The following FRMD4A variants were observed in gnomAD, a reference collection of about 807,000 sequenced individuals.
The protein encoded by FRMD4A is FERM domain-containing protein 4A.
FRMD4A carries 29 observed loss-of-function variants against 129.1 expected under a neutral mutation model. The observed-to-expected ratio is 0.22, with a 90% CI of 0.17 to 0.31. The LOEUF (loss-of-function observed/expected upper bound fraction) is 0.31, where lower values mean the gene tolerates loss of function less well. FRMD4A is among the 10% of genes least tolerant of loss of function. The pLI is 1.00. For missense variants in FRMD4A, 1,272 were observed against 1,375.8 expected (o/e 0.92, Z 1.19); for synonymous variants, 634 against 571.6 (o/e 1.11, Z -1.56).
chr10:13,977,784 T>C (rs1032876840), intron 2 of FRMD4A, among the ~76,000 whole-genome samples: 7 of 152,224 alleles, frequency 4.6e-5, no homozygotes, highest in African/African-American at 1.7e-4. Context: ...TCACTTAGCG[T>C]AATGTTTTCA....
At chr10:13,961,695 C>G (rs2095446219) in intron 2 of FRMD4A, among the ~76,000 whole-genome samples, 1 of 152,146 alleles carries the variant, frequency 6.6e-6, no homozygotes, top group Admixed American at 6.5e-5. Context: ...AGGCAAGGTC[C>G]CTCTTAGGTT....
chr10:13,967,412 G>T (rs770602673), intron 2 of FRMD4A, among the ~76,000 whole-genome samples: 1 of 152,134 alleles, frequency 6.6e-6, no homozygotes, highest in Admixed American at 6.5e-5. Flanking sequence ...AAGGATAAAA[G>T]ACTACAAATT....
At chr10:14,186,957 C>CA (rs112675339) in intron 2 of FRMD4A, among the ~76,000 whole-genome samples, 45,129 of 139,098 alleles carry the variant, frequency 0.32, 6,903 homozygotes, top group East Asian at 0.4. Flanking sequence ...CTCGTCTCTG[C>CA]AAAAAAAAAA....
intron 13 of FRMD4A, among the ~76,000 whole-genome samples, chr10:13,703,622 G>A (rs897001059): frequency 2.0e-5 from 3 of 152,218 alleles, no homozygotes; most frequent in Non-Finnish European, 4.4e-5. Context: ...AAACTAACGT[G>A]AGGCCAATCA....
chr10:13,714,028 A>ATATATATAAAATATATAT (rs1554858901), intron 12 of FRMD4A, among the ~76,000 whole-genome samples: 2 of 46,800 alleles, frequency 4.3e-5, no homozygotes, highest in African/African-American at 1.7e-4. Context: ...TAAAATATAC[A>ATATATATAAAATATATAT]TATATATATA....
chr10:13,782,448 C>CTT (rs66527369), intron 6 of FRMD4A, among the ~76,000 whole-genome samples: 2 of 136,064 alleles, frequency 1.5e-5, no homozygotes, highest in African/African-American at 5.3e-5. Flanking sequence ...ATTATTATTC[C>CTT]TTTTTTTTTT....
At chr10:14,192,235 G>T (rs1378314662) in intron 2 of FRMD4A, among the ~76,000 whole-genome samples, 1 of 151,952 alleles carries the variant, frequency 6.6e-6, no homozygotes, top group Non-Finnish European at 1.5e-5. Context: ...TTTTTTCTTT[G>T]TAAGAATTGC....
At chr10:14,163,174 A>G (rs919664129) in intron 2 of FRMD4A, among the ~76,000 whole-genome samples, 1 of 152,242 alleles carries the variant, frequency 6.6e-6, no homozygotes, top group African/African-American at 2.4e-5. Flanking sequence ...GTTTCATGGT[A>G]TCCTACACTG....
At chr10:13,853,863 T>C (rs1040655043) in intron 3 of FRMD4A, among the ~76,000 whole-genome samples, 2 of 120,354 alleles carry the variant, frequency 1.7e-5, no homozygotes, top group South Asian at 5.4e-4. Context: ...ACCCAAAAAG[T>C]GGGGATGGGG....
chr10:13,943,675 A>AAAAAAAAAAAAAAAAAAAAAAAAAG (rs2095310696), intron 2 of FRMD4A, among the ~76,000 whole-genome samples: 4 of 123,690 alleles, frequency 3.2e-5, no homozygotes, highest in Non-Finnish European at 7.0e-5. Context: ...AAAAAAAAAA[A>AAAAAAAAAAAAAAAAAAAAAAAAAG]AAAAGAAAAA....
chr10:13,992,508 A>G (rs11258779), intron 2 of FRMD4A, among the ~76,000 whole-genome samples: 47,163 of 152,148 alleles, frequency 0.31, 8,122 homozygotes, highest in East Asian at 0.73. Flanking sequence ...AGTCCAGGCC[A>G]AGAATAGGTT....
At chr10:14,116,465 T>C (rs1196068581) in intron 2 of FRMD4A, among the ~76,000 whole-genome samples, 1 of 152,192 alleles carries the variant, frequency 6.6e-6, no homozygotes, top group Non-Finnish European at 1.5e-5. Flanking sequence ...TGAAAGCAGA[T>C]ACGGAGAGTT....
intron 2 of FRMD4A, among the ~76,000 whole-genome samples, chr10:14,143,172 T>C (rs991057509): frequency 6.6e-6 from 1 of 152,220 alleles, no homozygotes; most frequent in African/African-American, 2.4e-5. Flanking sequence ...CTCGAAGAGA[T>C]AGTTGTACGT....
At chr10:14,037,280 C>G (rs1271857883) in intron 2 of FRMD4A, among the ~76,000 whole-genome samples, 2 of 152,212 alleles carry the variant, frequency 1.3e-5, no homozygotes, top group Non-Finnish European at 2.9e-5. Flanking sequence ...GTTCTGTCAT[C>G]CAGGCTGGAG....
chr10:14,252,430 T>G (rs1215270919), intron 2 of FRMD4A, among the ~76,000 whole-genome samples: 1 of 152,256 alleles, frequency 6.6e-6, no homozygotes, highest in African/African-American at 2.4e-5. Flanking sequence ...TCATGTCTCT[T>G]TAGTAACAGT....
intron 2 of FRMD4A, among the ~76,000 whole-genome samples, chr10:14,188,660 T>G (rs529437355): frequency 6.6e-6 from 1 of 152,298 alleles, no homozygotes; most frequent in Non-Finnish European, 1.5e-5. Context: ...TAGCTCAGAC[T>G]TTGAGAGGCT....
chr10:14,154,078 T>A (rs530646300), intron 2 of FRMD4A, among the ~76,000 whole-genome samples: 1 of 152,232 alleles, frequency 6.6e-6, no homozygotes, highest in African/African-American at 2.4e-5. Flanking sequence ...TTAAACCATC[T>A]GTGTTTGAAA....
intron 3 of FRMD4A, among the ~76,000 whole-genome samples, chr10:13,838,275 T>A (rs1211025589): frequency 3.6e-5 from 5 of 138,448 alleles, no homozygotes; most frequent in Non-Finnish European, 7.9e-5. Flanking sequence ...TTTTTTTTTT[T>A]AGAAATGGGG....
chr10:14,239,147 T>C (rs1843939406), intron 2 of FRMD4A, among the ~76,000 whole-genome samples: 1 of 152,206 alleles, frequency 6.6e-6, no homozygotes, highest in Non-Finnish European at 1.5e-5. Flanking sequence ...TGCCTGACTT[T>C]ACTTTTCATC....
Sources: allele counts gnomAD v4.1 joint callset (sites outside exome capture counted in the v4.1 genomes callset), GRCh38; gene constraint gnomAD v4.1.1; transcripts MANE v1.5; gene names NCBI Gene and HGNC (gene_info 2026-07-23, HGNC 2026-07-21).